Variants in TAFA1 observed in about 807,000 individuals in gnomAD.
TAFA1 encodes the protein TAFA chemokine like family member 1, also known as chemokine-like protein TAFA-1.
TAFA1 carries 4 observed loss-of-function variants against 18.5 expected under a neutral mutation model. The ratio of observed to expected loss-of-function variants is 0.22; its 90% CI spans 0.11 to 0.49. The LOEUF is 0.49. Among genes scored for constraint, TAFA1 ranks in the 20% least tolerant of loss-of-function variants. TAFA1 has a pLI of 0.98. For missense variants in TAFA1, 147 were observed against 169.0 expected, an observed-to-expected ratio of 0.87 and a Z score of 0.72; for synonymous variants, 56 against 55.2, an observed-to-expected ratio of 1.01 and a Z score of -0.06.
intron 3 of TAFA1, among the ~76,000 whole-genome samples, chr3:68,521,740 C>T (rs2073025348): frequency 1.3e-5 from 2 of 151,022 alleles, no homozygotes; most frequent in African/African-American, 2.4e-5. Flanking sequence ...TGACACAGAA[C>T]TCATAAGGGA....
At chr3:68,253,769 A>G (rs2067241117) in intron 2 of TAFA1, among the ~76,000 whole-genome samples, 2 of 152,182 alleles carry the variant, frequency 1.3e-5, no homozygotes, top group African/African-American at 4.8e-5. Flanking sequence ...AGAAGGTTAG[A>G]TGTTTGTCTA....
intron 2 of TAFA1, among the ~76,000 whole-genome samples, chr3:68,123,395 C>T (rs532627752): frequency 6.6e-6 from 1 of 152,216 alleles, no homozygotes; most frequent in Admixed American, 6.5e-5. Context: ...TGAAGAGGAA[C>T]ATGGAGAGAA....
In TAFA1 at chr3:68,544,571, C is replaced by T; in HGVS notation, c.*68C>T. On this transcript the variant is annotated 3_prime_UTR_variant, in exon 5 of 5. Transcript: ENST00000478136. Reference sequence around the variant, plus strand: ...AATACATTTTGAGAATCTCAAACATCTCACATATATACAAGCCAAATGGAT... The same window carrying T: ...AATACATTTTGAGAATCTCAAACATTTCACATATATACAAGCCAAATGGAT... The T allele has an allele frequency of 6.7e-7, 1 of 1,502,496 alleles. No individual in the cohort carries two copies. The highest frequency in any genetic ancestry group is 9.2e-7 in the Non-Finnish European group (1 of 1,082,240). The allele number at this position is 1,502,496 out of a possible 1,614,324, so 93.1% of individuals were successfully genotyped here.
intron 2 of TAFA1, among the ~76,000 whole-genome samples, chr3:68,343,707 A>G (rs1481845639): frequency 6.6e-6 from 1 of 152,066 alleles, no homozygotes; most frequent in East Asian, 1.9e-4. Flanking sequence ...TATTTTTTTT[A>G]TGTTGTCCTG....
rs57372768 is a variant in TAFA1 at position 68,521,856 on chromosome 3, G to GTTTTTTTTTTTTTTTTTTTTTTTTTTTTT, written c.260-16880_260-16879insTTTTTTTTTTTTTTTTTTTTTTTTTTTTT. On this transcript the variant is annotated intron_variant, in intron 3 of 4. Coordinates refer to ENST00000478136, the MANE Select transcript of TAFA1 (RefSeq NM_213609.4). ...TCTGGGTTTTTCTGTGTTTTTTTCT[G>GTTTTTTTTTTTTTTTTTTTTTTTTTTTTT]TTTTTTTTTTTTTTTTTTTTGGAGA... Among the ~76,000 whole-genome samples the GTTTTTTTTTTTTTTTTTTTTTTTTTTTTT allele has an allele frequency of 3.8e-4, 27 of 70,856 alleles. 4 individuals carry two copies. Among genetic ancestry groups the GTTTTTTTTTTTTTTTTTTTTTTTTTTTTT allele is most frequent in the East Asian group, 5.4e-4 (1 of 1,844 alleles). 46.5% of individuals were successfully genotyped at this position (70,856 alleles called of 152,430 possible). A position where few individuals can be genotyped will look rare whatever the true frequency, so the allele number is the denominator to read the frequency against.
intron 2 of TAFA1, among the ~76,000 whole-genome samples, chr3:68,211,510 A>G (rs2066596386): frequency 6.6e-6 from 1 of 152,074 alleles, no homozygotes; most frequent in African/African-American, 2.4e-5. Flanking sequence ...TACTGTGGTG[A>G]TTGAGATAGA....
At chr3:68,123,797 C>G (rs561480741) in intron 2 of TAFA1, among the ~76,000 whole-genome samples, 1 of 140,058 alleles carries the variant, frequency 7.1e-6, no homozygotes, top group South Asian at 2.3e-4. Flanking sequence ...CAATAAGCCA[C>G]TTTTGCTTTC....
At chr3:68,253,387 G>T (rs1159713594) in intron 2 of TAFA1, among the ~76,000 whole-genome samples, 1 of 152,100 alleles carries the variant, frequency 6.6e-6, no homozygotes, top group Non-Finnish European at 1.5e-5. Flanking sequence ...AGTCTTCTAT[G>T]ATCACAGAAT....
At chr3:68,456,248 G>A (rs1223866478) in intron 3 of TAFA1, among the ~76,000 whole-genome samples, 1 of 151,944 alleles carries the variant, frequency 6.6e-6, no homozygotes, top group Non-Finnish European at 1.5e-5. Flanking sequence ...TTATATATAA[G>A]GGCAATCTTG....
At chr3:68,112,395 A>T (rs2065272852) in intron 2 of TAFA1, among the ~76,000 whole-genome samples, 1 of 152,224 alleles carries the variant, frequency 6.6e-6, no homozygotes, top group Admixed American at 6.5e-5. Context: ...AAAGAAGAAA[A>T]TCATTTCAAT....
intron 2 of TAFA1, among the ~76,000 whole-genome samples, chr3:68,380,661 G>C (rs988656264): frequency 3.1e-4 from 47 of 152,028 alleles, no homozygotes; most frequent in Non-Finnish European, 3.1e-4. Context: ...TGTAGATTCT[G>C]GATATTAGCC....
intron 2 of TAFA1, among the ~76,000 whole-genome samples, chr3:68,412,712 T>C (rs1477145811): frequency 1.3e-5 from 2 of 152,162 alleles, no homozygotes; most frequent in East Asian, 1.9e-4. Flanking sequence ...GAATGCATCC[T>C]TTTTTATGGC....
chr3:68,084,350 T>C (rs1421014624), intron 2 of TAFA1, among the ~76,000 whole-genome samples: 3 of 152,234 alleles, frequency 2.0e-5, no homozygotes, highest in African/African-American at 4.8e-5. Flanking sequence ...TATGTCTTTG[T>C]TGTATCAGTA....
intron 2 of TAFA1, among the ~76,000 whole-genome samples, chr3:68,325,562 A>G (rs1011157359): frequency 1.3e-5 from 2 of 152,122 alleles, no homozygotes; most frequent in African/African-American, 2.4e-5. Context: ...TGCAACTATT[A>G]TAGTCTATGT....
chr3:68,320,835 C>T (rs2068687595), intron 2 of TAFA1, among the ~76,000 whole-genome samples: 1 of 152,158 alleles, frequency 6.6e-6, no homozygotes, highest in African/African-American at 2.4e-5. Flanking sequence ...CCAGAGGGAG[C>T]CAAAGCAGTG....
chr3:68,328,356 C>T (rs1039524240), intron 2 of TAFA1, among the ~76,000 whole-genome samples: 8 of 152,092 alleles, frequency 5.3e-5, no homozygotes, highest in South Asian at 2.1e-4. Context: ...CAGCAATTGC[C>T]GTCCCAGTTT....
At chr3:68,050,407 C>A (rs777060094) in intron 2 of TAFA1, among the ~76,000 whole-genome samples, 1 of 152,072 alleles carries the variant, frequency 6.6e-6, no homozygotes, top group African/African-American at 2.4e-5. Context: ...GAAATAGAAG[C>A]CCTCAGGGTG....
intron 2 of TAFA1, among the ~76,000 whole-genome samples, chr3:68,360,412 G>A (rs2106792536): frequency 6.6e-6 from 1 of 152,058 alleles, no homozygotes; most frequent in East Asian, 1.9e-4. Context: ...CAGTACATAT[G>A]TTGGCATAAC....
intron 2 of TAFA1, among the ~76,000 whole-genome samples, chr3:68,280,108 T>G (rs2067872073): frequency 6.6e-6 from 1 of 152,174 alleles, no homozygotes; most frequent in Non-Finnish European, 1.5e-5. Flanking sequence ...AATGGGGCTG[T>G]TCACTGTCAT....
Sources: allele counts gnomAD v4.1 joint callset (sites outside exome capture counted in the v4.1 genomes callset), GRCh38; gene constraint gnomAD v4.1.1; transcripts MANE v1.5; gene names NCBI Gene and HGNC (gene_info 2026-07-23, HGNC 2026-07-21).